SLC22A15: variants seen among roughly 807,000 people sequenced by gnomAD.
The protein encoded by SLC22A15 is flipt 1.
In SLC22A15, 45 loss-of-function variants were observed where a neutral mutation model predicts 62.7. The ratio of observed to expected loss-of-function variants is 0.72; its 90% confidence interval spans 0.56 to 0.92. The LOEUF (loss-of-function observed/expected upper bound fraction) is 0.92. Among genes scored for constraint, SLC22A15 ranks in the 40% least tolerant of loss-of-function variants. The pLI, the probability that SLC22A15 is intolerant of heterozygous loss-of-function variation, is 0.00. For synonymous variants in SLC22A15, 264 were observed against 267.0 expected (o/e 0.99, Z 0.11); for missense variants, 622 against 665.6 (o/e 0.93, Z 0.72).
chr1:116,066,582 C>G lies in SLC22A15; in HGVS notation c.1428C>G (p.Leu476=). Residue 476 remains leucine, a synonymous_variant, in exon 11 of 12, where the codon CTC becomes CTG. Coordinates refer to ENST00000369503, the MANE Select transcript of SLC22A15 (RefSeq NM_018420.3). ...VFGATGLTSG[L]LSLLLPETLN... ...GAGCCACGGGTCTGACCTCCGGCCT[C>G]CTGAGTTTGTTATTGCCGGAGACCC... The G allele has an allele frequency of 6.2e-7, 1 of 1,608,402 alleles. No homozygotes were observed. The highest frequency in any genetic ancestry group is 8.5e-7 in the Non-Finnish European group (1 of 1,177,420).
intron 2 of SLC22A15, among the ~76,000 whole-genome samples, chr1:116,005,394 G>A (rs1655926925): frequency 6.8e-6 from 1 of 146,108 alleles, no homozygotes; most frequent in South Asian, 2.1e-4. Context: ...ACTTAGGATT[G>A]ATCTCCATAG....
At chr1:116,057,600 A>T (rs1286364267) in intron 8 of SLC22A15, among the ~76,000 whole-genome samples, 3 of 152,236 alleles carry the variant, frequency 2.0e-5, no homozygotes, top group South Asian at 4.1e-4. Context: ...ATAAAGACAC[A>T]TGCACACGTA....
chr1:116,002,995 T>G (rs1460090921), intron 2 of SLC22A15, among the ~76,000 whole-genome samples: 2 of 152,202 alleles, frequency 1.3e-5, no homozygotes, highest in African/African-American at 4.8e-5. Context: ...CCAAGGCTTA[T>G]GGTGACTGCT....
chr1:116,055,722 T>G (rs1283277745), intron 8 of SLC22A15, among the ~76,000 whole-genome samples: 1 of 151,344 alleles, frequency 6.6e-6, no homozygotes, highest in South Asian at 2.1e-4. Context: ...CAAGTGGGTT[T>G]CATCCCTGGG....
Position 116,067,078 on chromosome 1 carries a change from T to C in SLC22A15, c.1614T>C (p.Asp538=), listed in dbSNP as rs752682283. 5.6e-6 allele frequency: 9 copies of C among 1,612,290 alleles called. No individual in the cohort carries two copies. In the African/African-American group the frequency reaches 1.2e-4, roughly 22 times the overall value. ...GTGAGGAAGAGGAAGAATTTTATGA[T>C]GCAGATGAAGAGACTCAGATGATCA... ...SESEEEEEFY[D]ADEETQMIK Residue 538 remains aspartate (D), a synonymous_variant, in exon 12 of 12, where the codon GAT becomes GAC. Coordinates refer to ENST00000369503, the MANE Select transcript of SLC22A15 (RefSeq NM_018420.3).
chr1:116,064,581 G>C, intron 10 of SLC22A15, 73 bp downstream of exon 10: 2 of 997,646 alleles, frequency 2.0e-6, no homozygotes, highest in Non-Finnish European at 3.2e-6. Context: ...TTAGTAGAAA[G>C]AGGTGATGAA....
rs1031984424 is a variant in SLC22A15 at position 116,039,588 on chromosome 1, A to G, written c.1171+2200A>G. 3.9e-5 allele frequency among the ~76,000 whole-genome samples: 6 copies of G among 152,222 alleles called. No individual in the cohort carries two copies. The East Asian group carries it at 1.2e-3, about 29-fold the overall frequency. On this transcript the variant is annotated intron_variant, in intron 8 of 11. Coordinates refer to ENST00000369503, the MANE Select transcript of SLC22A15 (RefSeq NM_018420.3). ...TATTTCTATTTTTAATATTTCTACTATTTAATTTTAATAAATAATTTCTAT... is the reference window on the plus strand; with the variant it reads ...TATTTCTATTTTTAATATTTCTACTGTTTAATTTTAATAAATAATTTCTAT...
intron 2 of SLC22A15, among the ~76,000 whole-genome samples, chr1:115,999,620 C>T (rs907996533): frequency 1.3e-5 from 2 of 151,662 alleles, no homozygotes; most frequent in Non-Finnish European, 2.9e-5. Context: ...TCTCATGCCT[C>T]AGCCTCCCGA....
chr1:116,051,974 G>A lies in SLC22A15; in HGVS notation c.1172-10788G>A, dbSNP rs185271207. On this transcript the variant is annotated intron_variant, in intron 8 of 11. Transcript: ENST00000369503. ...CTGGTCTACAGCTCCCAGCGTGAGC[G>A]ACGCAGAAGATGGGTGATTTCTGCA... is the stretch of plus-strand genomic sequence containing the variant. Among the ~76,000 whole-genome samples the A allele has an allele frequency of 5.3e-3, 814 of 152,352 alleles. 2 individuals carry two copies. Among genetic ancestry groups the A allele is most frequent in the Middle Eastern group, 0.01 (3 of 292 alleles).
intron 4 of SLC22A15, among the ~76,000 whole-genome samples, chr1:116,022,417 A>G (rs902082363): frequency 6.6e-6 from 1 of 152,072 alleles, no homozygotes; most frequent in Non-Finnish European, 1.5e-5. Context: ...CTTTGATTTC[A>G]GTTTTCCTGA....
chr1:116,013,875 T>A (rs1656398335), intron 2 of SLC22A15: 1 of 152,324 alleles, frequency 6.6e-6, no homozygotes, highest in South Asian at 2.1e-4. Flanking sequence ...ATCTCACCTC[T>A]GAACTCCAGG....
intron 4 of SLC22A15, among the ~76,000 whole-genome samples, chr1:116,024,675 C>T (rs1775711): frequency 0.37 from 56,901 of 151,936 alleles, 11,312 homozygotes; most frequent in African/African-American, 0.51. Flanking sequence ...AAGAACCAGG[C>T]GTTGAAGATG....
chr1:115,979,427 G>T (rs1021982765), intron 1 of SLC22A15, among the ~76,000 whole-genome samples: 4 of 152,298 alleles, frequency 2.6e-5, no homozygotes, highest in African/African-American at 7.2e-5. Context: ...TGAAAATGGT[G>T]ATATGTGGTA....
chr1:116,053,656 A>G (rs1658120608), intron 8 of SLC22A15, among the ~76,000 whole-genome samples: 1 of 152,212 alleles, frequency 6.6e-6, no homozygotes, highest in South Asian at 2.1e-4. Flanking sequence ...GCCAGAGAGA[A>G]AGGTTGGGTT....
At chr1:115,979,838 A>G (rs899207115) in intron 1 of SLC22A15, among the ~76,000 whole-genome samples, 4 of 152,174 alleles carry the variant, frequency 2.6e-5, no homozygotes, top group East Asian at 1.9e-4. Context: ...ATCGTACATT[A>G]TATTATAATT....
chr1:116,053,280 G>C (rs2101540117), intron 8 of SLC22A15, among the ~76,000 whole-genome samples: 1 of 152,294 alleles, frequency 6.6e-6, no homozygotes, highest in Admixed American at 6.5e-5. Context: ...GAGCTGATGT[G>C]ATCAACTGGA....
intron 8 of SLC22A15, among the ~76,000 whole-genome samples, chr1:116,041,952 G>GTTTC (rs1471032646): frequency 5.9e-5 from 9 of 151,954 alleles, no homozygotes; most frequent in Non-Finnish European, 1.2e-4. Context: ...TTGTTTGTTT[G>GTTTC]TTTGTTTGTT....
At chr1:116,017,863 A>T (rs1656616281) in intron 2 of SLC22A15, among the ~76,000 whole-genome samples, 1 of 152,200 alleles carries the variant, frequency 6.6e-6, no homozygotes, top group Non-Finnish European at 1.5e-5. Flanking sequence ...GTTCACTTTT[A>T]TTCTTATAAC....
Position 116,067,124 on chromosome 1 carries a change from C to G in SLC22A15, c.*16C>G, listed in dbSNP as rs772521760. The G allele has an allele frequency of 6.9e-6, 11 of 1,597,306 alleles. No individual in the cohort carries two copies. In the South Asian group the frequency reaches 9.0e-5, roughly 13 times the overall value. ...GATCAAGTGAAGAGCCCCAGATTCC[C>G]CCTAAGAAGCAAAGGATCGTCTTTT... On this transcript the variant is annotated 3_prime_UTR_variant, in exon 12 of 12. Transcript: ENST00000369503.
Sources: allele counts gnomAD v4.1 joint callset (sites outside exome capture counted in the v4.1 genomes callset), GRCh38; gene constraint gnomAD v4.1.1; transcripts MANE v1.5; gene names NCBI Gene and HGNC (gene_info 2026-07-23, HGNC 2026-07-21).